Variants in MAST3 observed in about 807,000 individuals in gnomAD.
MAST3 encodes the protein microtubule associated serine/threonine kinase 3.
In MAST3, 43 loss-of-function variants were observed where a neutral mutation model predicts 127.0. The ratio of observed to expected loss-of-function variants is 0.34; its 90% CI spans 0.27 to 0.44. MAST3 has a LOEUF of 0.44. MAST3 is among the 20% of genes least tolerant of loss of function. The pLI, the probability that MAST3 is intolerant of heterozygous loss-of-function variation, is 1.00. For synonymous variants in MAST3, 785 were observed against 809.2 expected, an observed-to-expected ratio of 0.97 and a Z score of 0.51; for missense variants, 1,390 against 1,919.1, an observed-to-expected ratio of 0.72 and a Z score of 5.15.
At chr19:18,139,269 G>A in intron 20 of MAST3, 145 bp downstream of exon 20, 1 of 619,062 alleles carries the variant, frequency 1.6e-6, no homozygotes. Context: ...TCCAACTCCT[G>A]AACTCAAGTG....
intron 11 of MAST3, among the ~76,000 whole-genome samples, chr19:18,127,264 T>C (rs890069403): frequency 3.4e-5 from 5 of 148,972 alleles, no homozygotes; most frequent in Non-Finnish European, 7.4e-5. Context: ...ATAATCATAC[T>C]TGGCCGGGTG....
In MAST3 at chr19:18,123,597, G is replaced by A; in HGVS notation, c.575G>A (p.Gly192Glu). ...SRSLSPGRAT[G>E]TFDNEIVMMN... ...CCTTTCAGCCCGGGCCGTGCAACGG[G>A]GACCTTCGACAATGAGATTGTCATG... The change falls in exon 8 of 28, where the codon GGG becomes GAG. Residue 192 changes from glycine (G) to glutamate (E), a missense_variant. Physicochemically the swap from Gly to Glu is moderately conservative, Grantham distance 98. Transcript: ENST00000687212. The A allele has an allele frequency of 6.3e-7, 1 of 1,590,710 alleles. No individual in the cohort carries two copies. Among genetic ancestry groups the A allele is most frequent in the East Asian group, 2.2e-5 (1 of 44,460 alleles).
At chr19:18,141,393 AAC>A (rs1270574277) in intron 20 of MAST3, among the ~76,000 whole-genome samples, 1 of 1,388 alleles carries the variant, frequency 7.2e-4, no homozygotes, top group Non-Finnish European at 1.4e-3. Flanking sequence ...TTTTTTTTGA[AAC>A]AGAGTCTCGC....
intron 11 of MAST3, among the ~76,000 whole-genome samples, 164 bp downstream of exon 11, chr19:18,124,938 C>CA (rs1555798780): frequency 7.4e-6 from 1 of 135,982 alleles, no homozygotes; most frequent in African/African-American, 3.0e-5. Context: ...GAAACCCCCC[C>CA]CCTACTAAAA....
chr19:18,124,497 G>A (rs1425165244), intron 10 of MAST3, 131 bp downstream of exon 10: 9 of 1,321,900 alleles, frequency 6.8e-6, no homozygotes, highest in South Asian at 1.4e-5. Context: ...GTGCTATTGG[G>A]CTAGCGTGGG....
chr19:18,127,849 A>G (rs76449776), intron 11 of MAST3, among the ~76,000 whole-genome samples: 16,640 of 137,408 alleles, frequency 0.12, 1,155 homozygotes, highest in Admixed American at 0.17. Flanking sequence ...ACAGAGCGAG[A>G]CTCCATGTCA....
rs1190102734 is a variant in MAST3, at chr19:18,151,571, C to CT, written c.*1848dup. 2 of 152,272 alleles carry CT rather than the reference C, an allele frequency of 1.3e-5. No homozygotes were observed. The highest frequency in any genetic ancestry group is 2.9e-5 in the Non-Finnish European group (2 of 68,066). The allele number at this position is 152,272 out of a possible 1,614,324, so 9.4% of individuals were successfully genotyped here. ...GACATCAACAGCCCACTCTGCTTCCCTTTCTGAGTCCCCTGTCCAGCACTG... is the reference window on the plus strand; with the variant it reads ...GACATCAACAGCCCACTCTGCTTCCCTTTTCTGAGTCCCCTGTCCAGCACTG... On this transcript the variant is annotated 3_prime_UTR_variant, in exon 28 of 28. Coordinates refer to ENST00000687212, the MANE Select transcript of MAST3 (RefSeq NM_001393504.1).
intron 8 of MAST3, 36 bp from the exon 9 acceptor site, chr19:18,123,902 GC>G: frequency 6.6e-7 from 1 of 1,515,988 alleles, no homozygotes. Flanking sequence ...CTCCAGCCCC[GC>G]CCTCTGACCA....
In MAST3 at chr19:18,143,985, G is replaced by C; in HGVS notation, c.2562G>C (p.Met854Ile). ...CCCCACCAGCGGCCACCCCAGTGATGCCCAAGCCCTCGAGCCTTTCTGGTA... is the reference window on the plus strand; with the variant it reads ...CCCCACCAGCGGCCACCCCAGTGATCCCCAAGCCCTCGAGCCTTTCTGGTA... Reference protein sequence around the residue: ...PDPPPAATPVMPKPSSLSADT... With the variant: ...PDPPPAATPVIPKPSSLSADT... The change falls in exon 22 of 28, where the codon ATG becomes ATC. Residue 854 changes from methionine (M) to isoleucine (I), a missense_variant. Coordinates refer to ENST00000687212, the MANE Select transcript of MAST3 (RefSeq NM_001393504.1). 2.5e-6 allele frequency: 4 copies of C among 1,580,252 alleles called. No individual in the cohort carries two copies. The highest frequency in any genetic ancestry group is 2.6e-6 in the Non-Finnish European group (3 of 1,163,054).
At chr19:18,123,917 C>T (rs758937239) in intron 8 of MAST3, 22 bp from the exon 9 acceptor site, 7 of 1,538,850 alleles carry the variant, frequency 4.5e-6, no homozygotes, top group East Asian at 4.9e-5. Flanking sequence ...CTGACCAGGT[C>T]GCCCCGTCTC....
chr19:18,121,029 G>A (rs995482195), intron 3 of MAST3, among the ~76,000 whole-genome samples: 3 of 151,674 alleles, frequency 2.0e-5, no homozygotes, highest in Non-Finnish European at 4.4e-5. Context: ...CCTAATTTTT[G>A]TGTTTTTAGT....
At chr19:18,104,770 C>G (rs2037935416) in intron 1 of MAST3, among the ~76,000 whole-genome samples, 1 of 152,190 alleles carries the variant, frequency 6.6e-6, no homozygotes, top group Non-Finnish European at 1.5e-5. Flanking sequence ...CAGCCCCTGC[C>G]CGCGGTTCGT....
chr19:18,146,256 G>A (rs1156461985), intron 25 of MAST3, among the ~76,000 whole-genome samples: 1 of 152,192 alleles, frequency 6.6e-6, no homozygotes, highest in South Asian at 2.1e-4. Flanking sequence ...CTGGGCAACA[G>A]AGCGAGACCC....
In MAST3 at chr19:18,144,993, C is replaced by T. The variant is rs774505223; in HGVS notation, c.2813-10C>T. 6.5e-6 allele frequency: 9 copies of T among 1,386,366 alleles called. No homozygotes were observed. The East Asian group carries it at 1.8e-4, about 28-fold the overall frequency. 85.9% of individuals were successfully genotyped at this position (1,386,366 alleles called of 1,614,324 possible). ...AGGGAGTGAGTGACCCCCTCCCTAA[C>T]CCCCTGCAGATGATGGCAGCGGCGG... On this transcript the variant is annotated splice_polypyrimidine_tract_variant and intron_variant, in intron 23 of 27. Coordinates refer to ENST00000687212, the MANE Select transcript of MAST3 (RefSeq NM_001393504.1). This position sits in a 1 kb window ranked among gnomAD's most constrained non-coding sequence, Gnocchi z 4.0.
Position 18,123,960 on chromosome 19 carries a change from C to T in MAST3, c.655C>T (p.Arg219Cys), listed in dbSNP as rs768584320. ...FPKATAQMEG[R>C]LQEFLTAYAP... Reference sequence around the variant, plus strand: ...CCAGGCCACAGCACAGATGGAGGGCCGTCTGCAGGAGTTCCTGACGGCCTA... The same window carrying T: ...CCAGGCCACAGCACAGATGGAGGGCTGTCTGCAGGAGTTCCTGACGGCCTA... Residue 219 changes from arginine to cysteine, a missense_variant, in exon 9 of 28, where the codon CGT (arginine) becomes TGT (cysteine). By Grantham distance (180) the Arg-to-Cys change is radical. Around this residue, in one of 5 missense-constraint regions of MAST3, gnomAD observed 277 missense variants for 384.8 expected, o/e 0.72. Coordinates refer to ENST00000687212, the MANE Select transcript of MAST3 (RefSeq NM_001393504.1). 4.4e-6 allele frequency: 7 copies of T among 1,573,102 alleles called. No homozygotes were observed. Among genetic ancestry groups the T allele is most frequent in the South Asian group, 1.2e-5 (1 of 86,488 alleles).
intron 1 of MAST3, among the ~76,000 whole-genome samples, chr19:18,106,537 CTTCTTAT>C (rs1440118737): frequency 7.0e-6 from 1 of 142,354 alleles, no homozygotes; most frequent in Non-Finnish European, 1.5e-5. Context: ...GCACTTGGCC[CTTCTTAT>C]TTATTTATTT....
Position 18,145,191 on chromosome 19 carries a change from G to A in MAST3, c.3001G>A (p.Gly1001Ser), listed in dbSNP as rs761394244. ...FSLRAIRVYM[G>S]DSDVYTVHHV... The stretch of plus-strand genomic sequence containing the variant: ...CCTGCGGGCGATCCGCGTCTACATG[G>A]GTGATAGCGACGTCTACACTGTGCA... The change falls in exon 24 of 28, where the codon GGT (glycine) becomes AGT (serine). Residue 1001 changes from glycine to serine, a missense_variant. Transcript: ENST00000687212. This position sits in a 1 kb window ranked among gnomAD's most constrained non-coding sequence, Gnocchi z 5.9. 4 of 1,613,870 alleles carry A rather than the reference G, an allele frequency of 2.5e-6. No individual in the cohort carries two copies. The highest frequency in any genetic ancestry group is 1.1e-5 in the South Asian group (1 of 91,074).
chr19:18,149,290 C>G lies in MAST3; in HGVS notation c.3608C>G (p.Ala1203Gly). The change falls in exon 28 of 28, where the codon GCT becomes GGT. Residue 1203 changes from alanine (A) to glycine (G), a missense_variant. Transcript: ENST00000687212. This position sits in a 1 kb window ranked among gnomAD's most constrained non-coding sequence, Gnocchi z 5.9. ...HTRPSSLHGL[A>G]AKLGPPRPKT... ...CGCCCCAGCTCCCTGCACGGCCTGG[C>G]TGCCAAGCTTGGGCCACCCCGCCCC... 3 of 1,539,794 alleles carry G rather than the reference C, an allele frequency of 1.9e-6. No individual in the cohort carries two copies. The highest frequency in any genetic ancestry group is 1.7e-6 in the Non-Finnish European group (2 of 1,145,664).
intron 3 of MAST3, among the ~76,000 whole-genome samples, chr19:18,117,398 AG>A (rs1427831450): frequency 6.6e-6 from 1 of 152,200 alleles, no homozygotes; most frequent in Non-Finnish European, 1.5e-5. Flanking sequence ...TAACTGAGGC[AG>A]GGCTGATGGC....
Sources: gnomAD v4.1 joint callset for allele counts (sites outside exome capture counted in the v4.1 genomes callset) on GRCh38, gnomAD v4.1.1 for gene constraint, gnomAD v4.1.1 regional missense constraint, Gnocchi (gnomAD v3.1) non-coding constraint, MANE v1.5 for transcripts, NCBI Gene and HGNC (gene_info 2026-07-23, HGNC 2026-07-21) for gene names.